The following UGT1A9 variants were observed in gnomAD, a reference collection of about 807,000 sequenced individuals.
The protein encoded by UGT1A9 is UDP-glucuronosyltransferase 1A9.
A neutral mutation model predicts 45.0 loss-of-function variants in UGT1A9; 35 were observed. That is an observed-to-expected ratio of 0.78 (90% CI 0.59 to 1.03). The LOEUF is 1.03. Ranked by LOEUF, UGT1A9 falls within the 50% of genes least tolerant of loss-of-function variation. UGT1A9 has a pLI of 0.00. For missense variants in UGT1A9, 687 were observed against 666.6 expected (o/e 1.03, Z -0.34); for synonymous variants, 278 against 250.6 (o/e 1.11, Z -1.03).
intron 1 of UGT1A9, among the ~76,000 whole-genome samples, chr2:233,702,709 T>C (rs1270831508): frequency 2.0e-5 from 3 of 152,216 alleles, no homozygotes; most frequent in Non-Finnish European, 4.4e-5. Context: ...TTTTTCTGTG[T>C]CTATTGAAAT....
intron 1 of UGT1A9, chr2:233,760,236 A>ATC: frequency 8.2e-6 from 13 of 1,590,176 alleles, no homozygotes; most frequent in Non-Finnish European, 1.1e-5. Context: ...TTTTTGCCAT[A>ATC]TATATATATA....
At chr2:233,698,897 C>T (rs1008517495) in intron 1 of UGT1A9, among the ~76,000 whole-genome samples, 2 of 152,370 alleles carry the variant, frequency 1.3e-5, no homozygotes. Context: ...TACCTGCCTC[C>T]TCTGCCCAAG....
intron 1 of UGT1A9, among the ~76,000 whole-genome samples, chr2:233,764,153 T>C (rs1331955474): frequency 6.6e-6 from 1 of 152,218 alleles, no homozygotes; most frequent in Non-Finnish European, 1.5e-5. Context: ...TTTTGGCTGG[T>C]GAAGTCTCAT....
chr2:233,701,125 G>C (rs535015875), intron 1 of UGT1A9, among the ~76,000 whole-genome samples: 39 of 152,142 alleles, frequency 2.6e-4, no homozygotes, highest in Non-Finnish European at 5.1e-4. Context: ...ATCATTGAGG[G>C]ACATTTAGGT....
At chr2:233,697,307 A>T (rs116017850) in intron 1 of UGT1A9, among the ~76,000 whole-genome samples, 1,596 of 152,184 alleles carry the variant, frequency 0.01, 34 homozygotes, top group African/African-American at 0.036. Flanking sequence ...CAATCTTGGT[A>T]GATTGTTTGT....
intron 1 of UGT1A9, among the ~76,000 whole-genome samples, chr2:233,765,979 GCTC>G (rs2126021756): frequency 6.6e-6 from 1 of 152,256 alleles, no homozygotes; most frequent in Middle Eastern, 3.4e-3. Flanking sequence ...GATGTTTACA[GCTC>G]CTGAAGCTCC....
Position 233,772,379 on chromosome 2 carries a change from G to A in UGT1A9, c.1413G>A (p.Leu471=), listed in dbSNP as rs1255487594. ...FVMRHKGAPH[L]RPAAHDLTWY... is the part of the protein sequence containing the mutation. ...TGAGGCACAAGGGCGCGCCACACCTGCGCCCCGCAGCCCACGACCTCACCT... is the reference window on the plus strand; with the variant it reads ...TGAGGCACAAGGGCGCGCCACACCTACGCCCCGCAGCCCACGACCTCACCT... The change falls in exon 5 of 5, where the codon CTG becomes CTA. Residue 471 remains leucine, a synonymous_variant. Transcript: ENST00000354728. 1.2e-6 allele frequency: 2 copies of A among 1,614,130 alleles called. No individual in the cohort carries two copies. The highest frequency in any genetic ancestry group is 2.7e-5 in the African/African-American group (2 of 74,950).
intron 1 of UGT1A9, chr2:233,741,678 G>T (rs1691739427): frequency 1.3e-5 from 2 of 151,908 alleles, no homozygotes; most frequent in African/African-American, 4.9e-5. Context: ...TTTATTGCTT[G>T]GGTGCCATTA....
chr2:233,679,856 A>G (rs899932288), intron 1 of UGT1A9, among the ~76,000 whole-genome samples: 3 of 152,178 alleles, frequency 2.0e-5, no homozygotes, highest in Admixed American at 6.5e-5. Context: ...ATTGGCATCT[A>G]TAAATAAGCC....
At chr2:233,713,363 A>T (rs753739474) in intron 1 of UGT1A9, 20 of 1,614,076 alleles carry the variant, frequency 1.2e-5, no homozygotes, top group East Asian at 2.2e-5. Context: ...CTTTGATCAT[A>T]CATAGGTCTT....
At position 233,711,088 on chromosome 2, in the gene UGT1A9, A is replaced by G. The variant is rs145698870; in HGVS notation, c.855+38299A>G. ...CACTTATGCTGATGGCTCCAAGTCTATCTGTGCAGCCCAGACCCCTCCTCA... is the reference window on the plus strand; with the variant it reads ...CACTTATGCTGATGGCTCCAAGTCTGTCTGTGCAGCCCAGACCCCTCCTCA... On this transcript the variant is annotated intron_variant, in intron 1 of 4. Coordinates refer to ENST00000354728, the MANE Select transcript of UGT1A9 (RefSeq NM_021027.3). Among the ~76,000 whole-genome samples, 1,153 of 152,228 alleles carry G rather than the reference A, an allele frequency of 7.6e-3. 11 individuals carry two copies. The highest frequency in any genetic ancestry group is 0.025 in the African/African-American group (1,043 of 41,536).
At chr2:233,753,723 TATGCCCC>T (rs1654919100) in intron 1 of UGT1A9, 1 of 152,226 alleles carries the variant, frequency 6.6e-6, no homozygotes, top group Non-Finnish European at 1.5e-5. Flanking sequence ...CCTAATTTGA[TATGCCCC>T]AAGCACAGCA....
intron 1 of UGT1A9, among the ~76,000 whole-genome samples, chr2:233,745,523 G>C (rs530279744): frequency 6.6e-6 from 1 of 151,554 alleles, no homozygotes; most frequent in Non-Finnish European, 1.5e-5. Context: ...GGTCTAATGG[G>C]GATGTGTTAT....
intron 1 of UGT1A9, among the ~76,000 whole-genome samples, chr2:233,690,178 C>A (rs541468631): frequency 3.9e-5 from 6 of 152,164 alleles, no homozygotes; most frequent in African/African-American, 1.4e-4. Context: ...GTTTTTATAG[C>A]CATTTCATAA....
At chr2:233,711,206 C>T (rs1343075112) in intron 1 of UGT1A9, among the ~76,000 whole-genome samples, 1 of 152,254 alleles carries the variant, frequency 6.6e-6, no homozygotes, top group African/African-American at 2.4e-5. Flanking sequence ...GTCCTGCTCT[C>T]CCCAGTGCTC....
At chr2:233,680,609 G>C (rs887924422) in intron 1 of UGT1A9, among the ~76,000 whole-genome samples, 3 of 152,164 alleles carry the variant, frequency 2.0e-5, no homozygotes, top group African/African-American at 7.2e-5. Flanking sequence ...CTGCATGATG[G>C]AATTCAGCCC....
At chr2:233,742,777 T>A (rs1286853753) in intron 1 of UGT1A9, 2 of 153,196 alleles carry the variant, frequency 1.3e-5, no homozygotes, top group African/African-American at 4.8e-5. Context: ...CATGTTGTTT[T>A]GAACCATCAT....
chr2:233,754,591 G>T (rs1279768336), intron 1 of UGT1A9: 4 of 429,060 alleles, frequency 9.3e-6, no homozygotes, highest in South Asian at 6.6e-5. Context: ...TATTATGAAG[G>T]ACTTTAACTC....
At chr2:233,743,706 C>G in intron 1 of UGT1A9, 1 of 1,367,368 alleles carries the variant, frequency 7.3e-7, no homozygotes, top group Non-Finnish European at 9.8e-7. Context: ...TCCGCCCCCG[C>G]CTCGCCATAG....
Sources: gnomAD v4.1 joint callset for allele counts (sites outside exome capture counted in the v4.1 genomes callset) on GRCh38, gnomAD v4.1.1 for gene constraint, MANE v1.5 for transcripts, NCBI Gene and HGNC (gene_info 2026-07-23, HGNC 2026-07-21) for gene names.